The following MYOCD variants were observed in gnomAD, a reference collection of about 807,000 sequenced individuals.
The protein encoded by MYOCD is myocardin.
Under a neutral mutation model 96.1 loss-of-function variants are expected in MYOCD, and 32 were observed. The observed-to-expected ratio is 0.33, with a 90% CI of 0.25 to 0.45. The LOEUF (loss-of-function observed/expected upper bound fraction) is 0.45, where lower values mean the gene tolerates loss of function less well. Ranked by LOEUF, MYOCD falls within the 20% of genes least tolerant of loss-of-function variation. The pLI, the probability that MYOCD is intolerant of heterozygous loss-of-function variation, is 1.00. For synonymous variants in MYOCD, 469 were observed against 469.0 expected (o/e 1.00, Z 0.00); for missense variants, 1,133 against 1,200.6 (o/e 0.94, Z 0.83).
chr17:12,683,465 G>T (rs572069331), intron 1 of MYOCD, among the ~76,000 whole-genome samples: 13 of 151,210 alleles, frequency 8.6e-5, no homozygotes, highest in Non-Finnish European at 1.6e-4. Context: ...GTGCGCGCGC[G>T]CTCTCTCTCT....
intron 1 of MYOCD, among the ~76,000 whole-genome samples, chr17:12,670,863 A>T (rs890736103): frequency 2.0e-5 from 3 of 152,198 alleles, no homozygotes; most frequent in Non-Finnish European, 2.9e-5. Context: ...TAATTTCTAC[A>T]TGGAATGTAA....
In MYOCD at chr17:12,744,409, A is replaced by C. The variant is rs757736564; in HGVS notation, c.944A>C (p.Tyr315Ser). Residue 315 changes from tyrosine (Y) to serine (S), a missense_variant, in exon 8 of 14, where the codon TAC becomes TCC. Transcript: ENST00000425538. ...CAGCAGCAGCAACACCGATTCAGCT[A>C]CCTAGGGATGCACCAAGCTCAGCTT... ...QQQQQQHRFS[Y>S]LGMHQAQLKE... is the part of the protein sequence containing the mutation. The C allele has an allele frequency of 6.2e-7, 1 of 1,613,154 alleles. No homozygotes were observed. Among genetic ancestry groups the C allele is most frequent in the Non-Finnish European group, 8.5e-7 (1 of 1,179,496 alleles).
chr17:12,752,757 A>G lies in MYOCD; in HGVS notation c.1469A>G (p.His490Arg). 1 of 1,614,056 alleles carries G rather than the reference A, an allele frequency of 6.2e-7. No individual in the cohort carries two copies. The highest frequency in any genetic ancestry group is 2.2e-5 in the East Asian group (1 of 44,866). The stretch of plus-strand genomic sequence containing the variant: ...TTCGGCCTGCACCCGTCCCCAGTCC[A>G]CGTGTGCACGGAGGAAAGTCTCATG... Reference protein sequence around the residue: ...PSFGLHPSPVHVCTEESLMSS... With the variant: ...PSFGLHPSPVRVCTEESLMSS... The change falls in exon 10 of 14, where the codon CAC (histidine) becomes CGC (arginine). Residue 490 changes from histidine (H) to arginine (R), a missense_variant. Physicochemically the swap from His to Arg is conservative, Grantham distance 29. Transcript: ENST00000425538.
At chr17:12,746,496 G>A (rs932949812) in intron 9 of MYOCD, among the ~76,000 whole-genome samples, 7 of 152,194 alleles carry the variant, frequency 4.6e-5, no homozygotes, top group Middle Eastern at 3.4e-3. Context: ...TTTTTAAGTA[G>A]GCTATTTCTA....
Position 12,745,948 on chromosome 17 carries a change from C to A in MYOCD, c.1001C>A (p.Pro334Gln). 6.2e-7 allele frequency: 1 copy of A among 1,614,062 alleles called. No homozygotes were observed. Among genetic ancestry groups the A allele is most frequent in the South Asian group, 1.1e-5 (1 of 91,066 alleles). ...CCAAATGAACAGATGGTCAGAAATC[C>A]AAACTCTTCTTCAACGCCACTGAGC... is the stretch of plus-strand genomic sequence containing the variant. ...KEPNEQMVRN[P>Q]NSSSTPLSNT... Residue 334 changes from proline (P) to glutamine (Q), a missense_variant, in exon 9 of 14, where the codon CCA becomes CAA. Pro to Gln is a moderately conservative substitution (Grantham distance 76). Coordinates refer to ENST00000425538, the MANE Select transcript of MYOCD (RefSeq NM_001146312.3).
At chr17:12,705,355 C>T (rs967019994) in intron 2 of MYOCD, 162 bp downstream of exon 2, 11 of 548,046 alleles carry the variant, frequency 2.0e-5, no homozygotes, top group Admixed American at 7.2e-5. Flanking sequence ...TGCTTTGCCC[C>T]GACTGCTACC....
intron 9 of MYOCD, among the ~76,000 whole-genome samples, chr17:12,747,840 T>C (rs2032711686): frequency 6.6e-6 from 1 of 150,924 alleles, no homozygotes; most frequent in Non-Finnish European, 1.5e-5. Context: ...TATATCACAG[T>C]ATGTGGATAA....
intron 5 of MYOCD, among the ~76,000 whole-genome samples, chr17:12,734,402 A>G (rs2032274860): frequency 6.6e-6 from 1 of 151,770 alleles, no homozygotes; most frequent in Non-Finnish European, 1.5e-5. Context: ...GGATCCCAAG[A>G]AAATGCAGTG....
intron 2 of MYOCD, among the ~76,000 whole-genome samples, chr17:12,707,687 C>T (rs534773363): frequency 6.6e-6 from 1 of 152,208 alleles, no homozygotes; most frequent in East Asian, 1.9e-4. Context: ...GCACTCCAGC[C>T]TGGGCAACAG....
intron 11 of MYOCD, among the ~76,000 whole-genome samples, chr17:12,757,800 G>T (rs2033054646): frequency 6.6e-6 from 1 of 151,824 alleles, no homozygotes; most frequent in Non-Finnish European, 1.5e-5. Context: ...AGCCTGATCT[G>T]TTTGTATTGA....
intron 5 of MYOCD, among the ~76,000 whole-genome samples, chr17:12,724,272 G>T (rs781543015): frequency 9.2e-5 from 14 of 152,082 alleles, no homozygotes; most frequent in Non-Finnish European, 1.9e-4. Flanking sequence ...GTAAATTTAA[G>T]ATTTATTTTT....
intron 4 of MYOCD, 90 bp from the exon 5 acceptor site, chr17:12,722,757 A>G: frequency 9.5e-7 from 1 of 1,056,200 alleles, no homozygotes; most frequent in Non-Finnish European, 1.4e-6. Context: ...AATGTGACAC[A>G]ATCGTTTGTA....
chr17:12,713,238 G>A (rs987809688), intron 2 of MYOCD, among the ~76,000 whole-genome samples: 1 of 152,206 alleles, frequency 6.6e-6, no homozygotes, highest in African/African-American at 2.4e-5. Flanking sequence ...ACTGGACCGT[G>A]TGAATCATCT....
rs1910466165 is a variant in MYOCD at position 12,681,533 on chromosome 17, C to T, written c.55+15290C>T. ...GCGTGAGGCTCAATCATTGAAATCA[C>T]TGCATGGTAATTCTGAGACCGAGCC... On this transcript the variant is annotated intron_variant, in intron 1 of 13. Transcript: ENST00000425538. Among the ~76,000 whole-genome samples, 3 of 152,338 alleles carry T rather than the reference C, an allele frequency of 2.0e-5. No individual in the cohort carries two copies. In the South Asian group the frequency reaches 6.2e-4, roughly 32 times the overall value.
At chr17:12,732,837 G>C (rs12944722) in intron 5 of MYOCD, among the ~76,000 whole-genome samples, 69,351 of 151,964 alleles carry the variant, frequency 0.46, 16,210 homozygotes, top group East Asian at 0.67. Context: ...CTTCAGGGCT[G>C]CAACAATCTT....
chr17:12,716,985 CAAAAAAAAAAA>C (rs56992216), intron 3 of MYOCD, among the ~76,000 whole-genome samples: 33 of 112,938 alleles, frequency 2.9e-4, no homozygotes, highest in African/African-American at 1.3e-3. Flanking sequence ...GATGCTGTCT[CAAAAAAAAAAA>C]AAAAAAAAAA....
intron 1 of MYOCD, among the ~76,000 whole-genome samples, chr17:12,688,590 T>A (rs2030268701): frequency 6.9e-6 from 1 of 145,794 alleles, no homozygotes; most frequent in African/African-American, 2.6e-5. Context: ...CCCTCCTTCC[T>A]TCCATCTCCT....
rs773370483 is a variant in MYOCD, at chr17:12,739,332, C to T, written c.717+4C>T. The T allele has an allele frequency of 3.0e-5, 46 of 1,558,210 alleles. No homozygotes were observed. Among genetic ancestry groups the T allele is most frequent in the Non-Finnish European group, 3.8e-5 (44 of 1,154,086 alleles). The stretch of plus-strand genomic sequence containing the variant: ...AGCCGTGCATGCTGCTGTAAAGGTA[C>T]GGACACATCAGCCTCCAAGCCCTGC... On this transcript the variant is annotated splice_donor_region_variant and intron_variant, in intron 7 of 13. Transcript: ENST00000425538.
At chr17:12,733,254 G>A (rs1220483693) in intron 5 of MYOCD, among the ~76,000 whole-genome samples, 1 of 150,050 alleles carries the variant, frequency 6.7e-6, no homozygotes, top group African/African-American at 2.5e-5. Flanking sequence ...AGGTTGCAGT[G>A]AGTCGAGATT....
Sources: gnomAD v4.1 joint callset for allele counts (sites outside exome capture counted in the v4.1 genomes callset) on GRCh38, gnomAD v4.1.1 for gene constraint, MANE v1.5 for transcripts, NCBI Gene and HGNC (gene_info 2026-07-23, HGNC 2026-07-21) for gene names.